The following PUDP variants were observed in gnomAD, a reference collection of about 807,000 sequenced individuals.
PUDP encodes the protein pseudouridine-5'-phosphatase.
Under a neutral mutation model 9.4 loss-of-function variants are expected in PUDP, and 8 were observed. The ratio of observed to expected loss-of-function variants is 0.85; its 90% CI spans 0.50 to 1.53. The LOEUF (loss-of-function observed/expected upper bound fraction) is 1.53, where lower values mean the gene tolerates loss of function less well. PUDP is among the 40% of genes most tolerant of loss of function. PUDP has a pLI of 0.00. For missense variants in PUDP, 188 were observed against 189.7 expected (o/e 0.99, Z 0.05); for synonymous variants, 99 against 80.7 (o/e 1.23, Z -1.22).
chrX:6,888,397 T>C (rs1927461657), intron 3 of PUDP, among the ~76,000 whole-genome samples: 1 of 110,019 alleles, frequency 9.1e-6, no homozygotes. Context: ...ATCCCAGCAC[T>C]CTGGAAGGCC....
intron 3 of PUDP, among the ~76,000 whole-genome samples, chrX:6,815,313 G>T (rs1321663102): frequency 1.8e-5 from 2 of 110,830 alleles, no homozygotes; most frequent in African/African-American, 6.6e-5. Context: ...CTGTAAACAA[G>T]GGAAAAAAAG....
intron 3 of PUDP, among the ~76,000 whole-genome samples, chrX:6,788,101 A>G (rs150416712): frequency 1.8e-3 from 206 of 112,257 alleles, no homozygotes; most frequent in African/African-American, 6.5e-3. Flanking sequence ...GTTTGACTTA[A>G]CAATTGTTCA....
chrX:6,772,425 T>C (rs1925378048), intron 3 of PUDP, among the ~76,000 whole-genome samples: 1 of 110,789 alleles, frequency 9.0e-6, no homozygotes, highest in African/African-American at 3.3e-5. Context: ...AAACTCATAT[T>C]AACAGATTGA....
chrX:6,885,391 A>G (rs943302683), intron 3 of PUDP, among the ~76,000 whole-genome samples: 2 of 112,040 alleles, frequency 1.8e-5, no homozygotes, highest in Non-Finnish European at 3.8e-5. Context: ...TCTACTGAAG[A>G]GCAGTTTGAA....
Position 6,956,089 on chromosome X carries a change from G to A in PUDP, c.*247+21044C>T, listed in dbSNP as rs768864059. On this transcript the variant is annotated intron_variant and NMD_transcript_variant, in intron 3 of 3. Transcript: ENST00000655425. ...TTTGGAGATGAAATCTCGCTCTGTC[G>A]CCCAGGCTGGAGTGCAGTGGTGCGA... Among the ~76,000 whole-genome samples the A allele has an allele frequency of 1.8e-4, 20 of 111,982 alleles. No homozygotes were observed. The South Asian group carries it at 4.4e-3, about 25-fold the overall frequency.
At chrX:6,987,649 TAC>T (rs1378132466) in intron 1 of PUDP, among the ~76,000 whole-genome samples, 1 of 112,395 alleles carries the variant, frequency 8.9e-6, no homozygotes, top group Non-Finnish European at 1.9e-5. Context: ...TGTTTATAAA[TAC>T]AGTTTTATTA....
At chrX:7,041,131 T>C (rs1226089471) in intron 1 of PUDP, among the ~76,000 whole-genome samples, 1 of 111,856 alleles carries the variant, frequency 8.9e-6, no homozygotes, top group Non-Finnish European at 1.9e-5. Context: ...AGGAGATTAA[T>C]GACGACGTCT....
At chrX:6,815,662 C>T (rs1926218806) in intron 3 of PUDP, among the ~76,000 whole-genome samples, 1 of 110,800 alleles carries the variant, frequency 9.0e-6, no homozygotes, top group Non-Finnish European at 1.9e-5. Flanking sequence ...TAGACTATAG[C>T]CCAGCCTCCA....
rs760759448 is a variant in PUDP, at chrX:7,111,895, A to G, written c.62-6057T>C. On this transcript the variant is annotated intron_variant, in intron 1 of 3. Coordinates refer to ENST00000381077, the MANE Select transcript of PUDP (RefSeq NM_012080.5). ...GTTAACCGTGAGTTATAGGGAATTGACAAGATCTGCTGTCTCCCTTAACAG... is the reference window on the plus strand; with the variant it reads ...GTTAACCGTGAGTTATAGGGAATTGGCAAGATCTGCTGTCTCCCTTAACAG... Among the ~76,000 whole-genome samples, 6 of 111,292 alleles carry G rather than the reference A, an allele frequency of 5.4e-5. No individual in the cohort carries two copies. The East Asian group carries it at 8.5e-4, about 16-fold the overall frequency.
intron 3 of PUDP, among the ~76,000 whole-genome samples, chrX:6,853,441 C>G (rs997992595): frequency 2.7e-5 from 2 of 74,326 alleles, no homozygotes; most frequent in Non-Finnish European, 5.2e-5. Context: ...AATATTCCCC[C>G]CTTTTGTGTG....
chrX:6,781,479 T>C (rs753685762), intron 3 of PUDP, among the ~76,000 whole-genome samples: 7 of 111,832 alleles, frequency 6.3e-5, no homozygotes, highest in Non-Finnish European at 1.1e-4. Context: ...GAGATGAAAG[T>C]AATTCATGGA....
At chrX:6,725,895 C>A (rs1924733195), upstream of PUDP, among the ~76,000 whole-genome samples, 1 of 111,643 alleles carries the variant, frequency 9.0e-6, no homozygotes, top group African/African-American at 3.3e-5. Context: ...ACCATTCGAT[C>A]CAACAATCCC....
intron 3 of PUDP, among the ~76,000 whole-genome samples, chrX:6,895,048 G>T (rs752075787): frequency 9.0e-6 from 1 of 110,582 alleles, no homozygotes; most frequent in Non-Finnish European, 1.9e-5. Flanking sequence ...CTGATCATGG[G>T]TGCAAAGAGA....
intron 3 of PUDP, among the ~76,000 whole-genome samples, chrX:6,963,075 G>C (rs894644223): frequency 3.6e-5 from 4 of 112,043 alleles, no homozygotes; most frequent in African/African-American, 1.3e-4. Flanking sequence ...ATGTACTGCA[G>C]GGCACTGGGA....
chrX:6,969,142 T>A (rs1302920190), intron 3 of PUDP, among the ~76,000 whole-genome samples: 2 of 112,697 alleles, frequency 1.8e-5, no homozygotes, highest in African/African-American at 6.5e-5. Context: ...AGAGTGTATG[T>A]GAGCACGGTG....
intron 3 of PUDP, among the ~76,000 whole-genome samples, chrX:6,836,823 G>A (rs1026123185): frequency 2.7e-5 from 3 of 112,066 alleles, no homozygotes; most frequent in African/African-American, 9.7e-5. Context: ...GTCTACACTG[G>A]GCAGAAAGCA....
intron 3 of PUDP, among the ~76,000 whole-genome samples, chrX:6,837,045 C>A (rs1240269665): frequency 8.9e-6 from 1 of 112,438 alleles, no homozygotes; most frequent in African/African-American, 3.2e-5. Flanking sequence ...CCAATGAGCG[C>A]ATTTAAATTG....
chrX:7,081,482 C>T (rs1225479511), intron 2 of PUDP, among the ~76,000 whole-genome samples: 2 of 112,641 alleles, frequency 1.8e-5, no homozygotes, highest in Non-Finnish European at 3.7e-5. Flanking sequence ...ATCCTTCTTG[C>T]ATTTCTATTG....
At chrX:6,746,641 C>T (rs1925003774) in intron 3 of PUDP, among the ~76,000 whole-genome samples, 1 of 110,609 alleles carries the variant, frequency 9.0e-6, no homozygotes, top group Non-Finnish European at 1.9e-5. Context: ...TGTTCAGCTC[C>T]CACTTATAAG....
Sources: gnomAD v4.1 joint callset for allele counts (sites outside exome capture counted in the v4.1 genomes callset) on GRCh38, gnomAD v4.1.1 for gene constraint, MANE v1.5 for transcripts, NCBI Gene and HGNC (gene_info 2026-07-23, HGNC 2026-07-21) for gene names.